Variants in PARP8 observed in about 807,000 individuals in gnomAD.
PARP8 encodes the protein poly(ADP-ribose) polymerase family member 8.
PARP8 carries 51 observed loss-of-function variants against 124.1 expected under a neutral mutation model. The observed-to-expected ratio is 0.41, with a 90% CI of 0.33 to 0.52. The LOEUF (loss-of-function observed/expected upper bound fraction) is 0.52. PARP8 is among the 20% of genes least tolerant of loss of function. PARP8 has a pLI of 0.21. For missense variants in PARP8, 860 were observed against 1,018.9 expected, an observed-to-expected ratio of 0.84 and a Z score of 2.12; for synonymous variants, 391 against 361.5, an observed-to-expected ratio of 1.08 and a Z score of -0.93.
At chr5:50,829,862 T>C (rs202235904) in intron 21 of PARP8, 30 bp from the exon 22 acceptor site, 36 of 1,446,344 alleles carry the variant, frequency 2.5e-5, no homozygotes, top group Admixed American at 3.8e-5. Flanking sequence ...TGAACAGACC[T>C]CTCTCTCTCT....
At chr5:50,754,142 T>TAC (rs1333268363) in intron 3 of PARP8, among the ~76,000 whole-genome samples, 6 of 17,770 alleles carry the variant, frequency 3.4e-4, no homozygotes, top group African/African-American at 5.5e-4. Flanking sequence ...TATATATATA[T>TAC]ATATATATAC....
chr5:50,829,749 G>A (rs1242835904), intron 21 of PARP8, 143 bp from the exon 22 acceptor site: 4 of 712,158 alleles, frequency 5.6e-6, no homozygotes, highest in African/African-American at 1.8e-5. Flanking sequence ...TATTAGTACT[G>A]TTTTCAAATT....
chr5:50,765,050 T>A (rs761797746), intron 7 of PARP8, among the ~76,000 whole-genome samples: 3 of 151,694 alleles, frequency 2.0e-5, no homozygotes, highest in Non-Finnish European at 4.4e-5. Flanking sequence ...TCCCCTGAGG[T>A]TGGGAGTTTG....
chr5:50,819,895 G>T (rs537275279), intron 15 of PARP8, among the ~76,000 whole-genome samples: 1 of 151,998 alleles, frequency 6.6e-6, no homozygotes, highest in Middle Eastern at 3.4e-3. Context: ...CAAAAAGGAG[G>T]GTTTTATTAT....
chr5:50,685,381 TGTGAGCTAGCATTGTTTCCCACGG>T (rs1349086835), intron 2 of PARP8, among the ~76,000 whole-genome samples: 4 of 152,240 alleles, frequency 2.6e-5, no homozygotes, highest in African/African-American at 7.2e-5. Context: ...TTTGCTTTCC[TGTGAGCTAGCATTGTTTCCCACGG>T]GATTGCAAGG....
Position 50,842,042 on chromosome 5 carries a change from A to G in PARP8, c.2539A>G (p.Ile847Val). The change falls in exon 26 of 26, where the codon ATT becomes GTT. Residue 847 changes from isoleucine to valine, a missense_variant. Physicochemically the swap from Ile to Val is conservative, Grantham distance 29. Around this residue, in one of 2 missense-constraint regions of PARP8, gnomAD observed 343 missense variants for 474.7 expected, o/e 0.72. Coordinates refer to ENST00000281631, the MANE Select transcript of PARP8 (RefSeq NM_024615.4). ...GGIHKEILRV[I>V]GNQTATG is the part of the protein sequence containing the mutation. ...CATTCACAAAGAGATCCTCCGAGTAATTGGTAATCAAACTGCTACTGGTTA... is the reference window on the plus strand; with the variant it reads ...CATTCACAAAGAGATCCTCCGAGTAGTTGGTAATCAAACTGCTACTGGTTA... The G allele has an allele frequency of 6.2e-7, 1 of 1,604,454 alleles. No homozygotes were observed. The highest frequency in any genetic ancestry group is 8.5e-7 in the Non-Finnish European group (1 of 1,174,178).
intron 7 of PARP8, among the ~76,000 whole-genome samples, chr5:50,773,566 T>C (rs1158707231): frequency 1.3e-5 from 2 of 152,214 alleles, no homozygotes; most frequent in Non-Finnish European, 2.9e-5. Context: ...GCTGTTTTGG[T>C]TACTATAGCT....
At chr5:50,706,141 T>C (rs566206671) in intron 2 of PARP8, among the ~76,000 whole-genome samples, 1 of 152,316 alleles carries the variant, frequency 6.6e-6, no homozygotes, top group African/African-American at 2.4e-5. Context: ...GATGTTATAT[T>C]TTAAAATTGG....
chr5:50,821,306 A>G lies in PARP8; in HGVS notation c.1762A>G (p.Asn588Asp). 6.2e-7 allele frequency: 1 copy of G among 1,614,040 alleles called. No individual in the cohort carries two copies. Among genetic ancestry groups the G allele is most frequent in the Non-Finnish European group, 8.5e-7 (1 of 1,179,942 alleles). Reference protein sequence around the residue: ...FEPYPSVVDPNDPQMLAFNPR... With the variant: ...FEPYPSVVDPDDPQMLAFNPR... ...GCCATATCCTTCTGTGGTAGATCCTAATGATCCTCAGATGTTGGCCTTCAA... is the reference window on the plus strand; with the variant it reads ...GCCATATCCTTCTGTGGTAGATCCTGATGATCCTCAGATGTTGGCCTTCAA... Residue 588 changes from asparagine to aspartate, a missense_variant, in exon 16 of 26, where the codon AAT (asparagine) becomes GAT (aspartate). By Grantham distance (23) the Asn-to-Asp change is conservative. Transcript: ENST00000281631.
chr5:50,739,667 G>T (rs1757824300), intron 2 of PARP8, among the ~76,000 whole-genome samples: 2 of 141,850 alleles, frequency 1.4e-5, no homozygotes, highest in African/African-American at 5.2e-5. Flanking sequence ...CAATAATTTT[G>T]TAAGGAAGGT....
At chr5:50,667,953 C>T in intron 1 of PARP8, 118 bp from the exon 2 acceptor site, 1 of 1,590,850 alleles carries the variant, frequency 6.3e-7, no homozygotes, top group East Asian at 2.2e-5. Context: ...GCCCTCTAGC[C>T]CTTGCCTTCT....
intron 2 of PARP8, among the ~76,000 whole-genome samples, chr5:50,693,060 A>G (rs1435722849): frequency 6.6e-6 from 1 of 152,224 alleles, no homozygotes; most frequent in Non-Finnish European, 1.5e-5. Flanking sequence ...CAAAGTTCTT[A>G]AAATGATTAC....
chr5:50,667,977 TC>T, intron 1 of PARP8, 93 bp from the exon 2 acceptor site: 1 of 1,601,118 alleles, frequency 6.2e-7, no homozygotes. Context: ...CGGCCAGGCC[TC>T]CCCTGACACC....
intron 22 of PARP8, among the ~76,000 whole-genome samples, chr5:50,830,819 C>T (rs1364801681): frequency 6.8e-5 from 10 of 147,944 alleles, no homozygotes; most frequent in South Asian, 4.3e-4. Flanking sequence ...TGTGCTCATG[C>T]GTGTGTGTGT....
chr5:50,673,947 A>T (rs527923090), intron 2 of PARP8, among the ~76,000 whole-genome samples: 2 of 152,188 alleles, frequency 1.3e-5, no homozygotes, highest in Non-Finnish European at 2.9e-5. Flanking sequence ...GCTGTAGAAG[A>T]TATATCTTGC....
chr5:50,726,806 C>A lies in PARP8; in HGVS notation c.147-23345C>A, dbSNP rs142957741. Among the ~76,000 whole-genome samples, 1,050 of 152,100 alleles carry A rather than the reference C, an allele frequency of 6.9e-3. 8 individuals carry two copies. Among genetic ancestry groups the A allele is most frequent in the East Asian group, 0.039 (201 of 5,160 alleles). Reference sequence around the variant, plus strand: ...ATCATCTCTGTCCTCATGCTACAGGCCATTCTGCTTGCTTCTAAAGCAAGA... The same window carrying A: ...ATCATCTCTGTCCTCATGCTACAGGACATTCTGCTTGCTTCTAAAGCAAGA... On this transcript the variant is annotated intron_variant, in intron 2 of 25. Transcript: ENST00000281631.
Position 50,805,883 on chromosome 5 carries a change from G to A in PARP8, c.1575+8650G>A, listed in dbSNP as rs138958871. On this transcript the variant is annotated intron_variant, in intron 14 of 25. Transcript: ENST00000281631. Reference sequence around the variant, plus strand: ...TTAATTATGAAATAACTGCAATTTTGTCATTTCCATTTGTTACAGAGAAAT... The same window carrying A: ...TTAATTATGAAATAACTGCAATTTTATCATTTCCATTTGTTACAGAGAAAT... Among the ~76,000 whole-genome samples the A allele has an allele frequency of 2.0e-3, 301 of 152,044 alleles. 3 individuals are homozygous for A. The highest frequency in any genetic ancestry group is 6.8e-3 in the African/African-American group (284 of 41,510).
At chr5:50,788,863 G>A (rs1474927667) in intron 10 of PARP8, among the ~76,000 whole-genome samples, 2 of 152,112 alleles carry the variant, frequency 1.3e-5, no homozygotes, top group Non-Finnish European at 2.9e-5. Context: ...GACCTGTGTG[G>A]ACACAGGCTC....
At chr5:50,789,899 T>A (rs1741755565) in intron 10 of PARP8, among the ~76,000 whole-genome samples, 1 of 152,190 alleles carries the variant, frequency 6.6e-6, no homozygotes, top group Non-Finnish European at 1.5e-5. Context: ...TGAGCAATAT[T>A]CTAAGGGAAA....
Sources: allele counts gnomAD v4.1 joint callset (sites outside exome capture counted in the v4.1 genomes callset), GRCh38; gene constraint gnomAD v4.1.1; regional missense constraint gnomAD v4.1.1; transcripts MANE v1.5; gene names NCBI Gene and HGNC (gene_info 2026-07-23, HGNC 2026-07-21).